The following MITF variants were observed in gnomAD, a reference collection of about 807,000 sequenced individuals.
The protein encoded by MITF is microphthalmia-associated transcription factor.
MITF carries 17 observed loss-of-function variants against 60.5 expected under a neutral mutation model. The ratio of observed to expected loss-of-function variants is 0.28; its 90% confidence interval spans 0.19 to 0.42. MITF has a LOEUF of 0.42. Ranked by LOEUF, MITF falls within the 10% of genes least tolerant of loss-of-function variation. The pLI, the probability that MITF is intolerant of heterozygous loss-of-function variation, is 1.00. For missense variants in MITF, 622 were observed against 683.5 expected (o/e 0.91, Z 1.00); for synonymous variants, 260 against 248.5 (o/e 1.05, Z -0.43).
intron 5 of MITF, 145 bp from the exon 6 acceptor site, chr3:69,948,906 C>T (rs1410294799): frequency 3.0e-6 from 2 of 672,548 alleles, no homozygotes; most frequent in Non-Finnish European, 5.3e-6. Context: ...AAAAAGTAAA[C>T]ATCTCATATT....
At chr3:69,903,534 T>C (rs902850189) in intron 2 of MITF, among the ~76,000 whole-genome samples, 6 of 152,122 alleles carry the variant, frequency 3.9e-5, no homozygotes, top group African/African-American at 1.2e-4. Context: ...ACAAATATCT[T>C]AGGTCATGAG....
chr3:69,814,303 C>A (rs1227187512), intron 1 of MITF, among the ~76,000 whole-genome samples: 1 of 152,014 alleles, frequency 6.6e-6, no homozygotes, highest in Admixed American at 6.6e-5. Flanking sequence ...TTGACTCATT[C>A]ATTCATTCAT....
At chr3:69,953,546 C>T (rs1021872528) in intron 7 of MITF, among the ~76,000 whole-genome samples, 3 of 151,180 alleles carry the variant, frequency 2.0e-5, no homozygotes, top group African/African-American at 7.3e-5. Context: ...CATTTATTCA[C>T]TCATTCAATC....
chr3:69,903,377 T>C (rs2065032707), intron 2 of MITF, among the ~76,000 whole-genome samples: 1 of 152,210 alleles, frequency 6.6e-6, no homozygotes, highest in Non-Finnish European at 1.5e-5. Flanking sequence ...GATTTTTCAG[T>C]TGGCCTATTG....
chr3:69,897,466 T>C (rs1409795487), intron 2 of MITF, among the ~76,000 whole-genome samples: 5 of 152,094 alleles, frequency 3.3e-5, no homozygotes, highest in Non-Finnish European at 7.4e-5. Context: ...ATATTGGGAG[T>C]TGACAAACAA....
intron 2 of MITF, among the ~76,000 whole-genome samples, chr3:69,902,737 A>T (rs2065019992): frequency 1.3e-5 from 2 of 152,174 alleles, no homozygotes; most frequent in Admixed American, 1.3e-4. Flanking sequence ...GGACACTGAG[A>T]TGGTAACACA....
intron 7 of MITF, among the ~76,000 whole-genome samples, chr3:69,952,657 G>C (rs1218027987): frequency 2.6e-5 from 4 of 152,140 alleles, no homozygotes; most frequent in Middle Eastern, 6.8e-3. Context: ...TTAGTCCCCA[G>C]GAATATGCGT....
chr3:69,848,409 G>A (rs1407055363), intron 1 of MITF, among the ~76,000 whole-genome samples: 1 of 152,206 alleles, frequency 6.6e-6, no homozygotes, highest in Non-Finnish European at 1.5e-5. Flanking sequence ...TTTTGTGAAT[G>A]TTCTGTCTAT....
At chr3:69,822,946 G>T (rs948984818) in intron 1 of MITF, among the ~76,000 whole-genome samples, 3 of 151,562 alleles carry the variant, frequency 2.0e-5, no homozygotes, top group African/African-American at 7.3e-5. Context: ...GTCACCCAGG[G>T]TGAGTACAGT....
chr3:69,835,455 G>T (rs550000526), intron 1 of MITF, among the ~76,000 whole-genome samples: 1 of 152,112 alleles, frequency 6.6e-6, no homozygotes, highest in Non-Finnish European at 1.5e-5. Context: ...ATTGTCTTTT[G>T]CTTTGCAAAA....
intron 1 of MITF, among the ~76,000 whole-genome samples, chr3:69,813,600 T>G (rs2063134831): frequency 6.6e-6 from 1 of 152,186 alleles, no homozygotes; most frequent in African/African-American, 2.4e-5. Context: ...ATCATTAGCT[T>G]TTCTGGAGTT....
chr3:69,877,365 G>A (rs1476406951), intron 1 of MITF, among the ~76,000 whole-genome samples: 2 of 151,122 alleles, frequency 1.3e-5, no homozygotes, highest in African/African-American at 4.9e-5. Context: ...TTTTGGTAGT[G>A]TTGTTAAGCT....
intron 1 of MITF, among the ~76,000 whole-genome samples, chr3:69,780,732 A>G (rs1315941122): frequency 6.6e-6 from 1 of 152,180 alleles, no homozygotes; most frequent in East Asian, 1.9e-4. Flanking sequence ...ATTAGATGTT[A>G]GCTCAGAACT....
chr3:69,812,865 A>T (rs2063122259), intron 1 of MITF, among the ~76,000 whole-genome samples: 1 of 152,202 alleles, frequency 6.6e-6, no homozygotes, highest in Non-Finnish European at 1.5e-5. Context: ...GGCAATGGGA[A>T]AGGTTTACAA....
At position 69,965,203 on chromosome 3, in the gene MITF, C is replaced by T. The variant is rs2066660260; in HGVS notation, c.1536C>T (p.Ser512=). 2 of 1,613,760 alleles carry T rather than the reference C, an allele frequency of 1.2e-6. No homozygotes were observed. The highest frequency in any genetic ancestry group is 2.2e-5 in the East Asian group (1 of 44,854). Residue 512 remains serine, a synonymous_variant, in exon 10 of 10, where the codon AGC becomes AGT. Coordinates refer to ENST00000352241, the MANE Select transcript of MITF (RefSeq NM_001354604.2). ...SVSPGASKTS[S]RRSSMSMEET... Reference sequence around the variant, plus strand: ...CCCCCGGAGCTTCCAAAACAAGCAGCCGGAGGAGCAGTATGAGCATGGAAG... The same window carrying T: ...CCCCCGGAGCTTCCAAAACAAGCAGTCGGAGGAGCAGTATGAGCATGGAAG...
intron 7 of MITF, among the ~76,000 whole-genome samples, chr3:69,953,672 G>T (rs1047547991): frequency 2.7e-3 from 397 of 146,342 alleles, no homozygotes; most frequent in African/African-American, 9.2e-3. Flanking sequence ...TAGAGAGAGA[G>T]AGAGAGAGAG....
At chr3:69,812,660 A>G (rs1033265447) in intron 1 of MITF, among the ~76,000 whole-genome samples, 3 of 152,138 alleles carry the variant, frequency 2.0e-5, no homozygotes, top group Non-Finnish European at 2.9e-5. Flanking sequence ...CAATTTTTTC[A>G]TGAGGTTCTG....
At chr3:69,909,524 A>G (rs2065176846) in intron 2 of MITF, among the ~76,000 whole-genome samples, 1 of 152,174 alleles carries the variant, frequency 6.6e-6, no homozygotes, top group Admixed American at 6.5e-5. Flanking sequence ...AAAATGTGGG[A>G]AAGTTTGGAA....
rs2066724955 is a variant in MITF at position 69,967,752 on chromosome 3, T to G, written c.*2504T>G. 1 of 232,944 alleles carries G rather than the reference T, an allele frequency of 4.3e-6. No individual in the cohort carries two copies. Among genetic ancestry groups the G allele is most frequent in the Non-Finnish European group, 8.5e-6 (1 of 117,932 alleles). The allele number at this position is 232,944 out of a possible 1,614,324, so 14.4% of individuals were successfully genotyped here. A position where few individuals can be genotyped will look rare whatever the true frequency, so the allele number is the denominator to read the frequency against. ...TTGCCAAATAGAGTGTGGATTCATT[T>G]CAGGGGCTAGCTAAGCCAAGAGGCA... On this transcript the variant is annotated 3_prime_UTR_variant, in exon 10 of 10. Coordinates refer to ENST00000352241, the MANE Select transcript of MITF (RefSeq NM_001354604.2).
Sources: gnomAD v4.1 joint callset for allele counts (sites outside exome capture counted in the v4.1 genomes callset) on GRCh38, gnomAD v4.1.1 for gene constraint, MANE v1.5 for transcripts, NCBI Gene and HGNC (gene_info 2026-07-23, HGNC 2026-07-21) for gene names.